DMD: variants seen among roughly 807,000 people sequenced by gnomAD.
DMD encodes dystrophin, also known as mutant dystrophin.
Under a neutral mutation model 330.1 loss-of-function variants are expected in DMD, and 63 were observed. The observed-to-expected ratio is 0.19, with a 90% confidence interval of 0.16 to 0.24. The LOEUF is 0.24. Ranked by LOEUF, DMD falls within the 10% of genes least tolerant of loss-of-function variation. The pLI is 1.00. For synonymous variants in DMD, 1,223 were observed against 959.8 expected, an observed-to-expected ratio of 1.27 and a Z score of -5.07; for missense variants, 3,344 against 2,684.1, an observed-to-expected ratio of 1.25 and a Z score of -5.43.
intron 76 of DMD, among the ~76,000 whole-genome samples, chrX:31,138,048 G>A (rs1650076275): frequency 8.9e-6 from 1 of 111,894 alleles, no homozygotes; most frequent in South Asian, 3.8e-4. Context: ...CTGGGGATTC[G>A]GATTTGGCCA....
At chrX:33,183,097 T>C (rs1311890301) in intron 1 of DMD, among the ~76,000 whole-genome samples, 4 of 112,124 alleles carry the variant, frequency 3.6e-5, no homozygotes, top group Non-Finnish European at 7.5e-5. Flanking sequence ...TATTATTTCC[T>C]AATTTCAAAA....
At chrX:33,089,220 C>T (rs1426763410) in intron 1 of DMD, among the ~76,000 whole-genome samples, 1 of 109,440 alleles carries the variant, frequency 9.1e-6, no homozygotes, top group Non-Finnish European at 1.9e-5. Context: ...CACGCACCAC[C>T]ACACCCAGCT....
intron 18 of DMD, among the ~76,000 whole-genome samples, chrX:32,515,166 T>C (rs1462599102): frequency 9.0e-6 from 1 of 111,135 alleles, no homozygotes; most frequent in African/African-American, 3.3e-5. Context: ...AGAATAAGTA[T>C]ATAGAAGGCT....
intron 19 of DMD, 133 bp downstream of exon 19, chrX:32,501,622 A>G: frequency 1.9e-6 from 1 of 519,202 alleles, no homozygotes; most frequent in South Asian, 3.0e-5. Flanking sequence ...AGAATAATAA[A>G]AAACATACAA....
chrX:31,257,708 G>A (rs769674196), intron 63 of DMD, among the ~76,000 whole-genome samples: 1 of 112,137 alleles, frequency 8.9e-6, no homozygotes, highest in African/African-American at 3.2e-5. Context: ...AATTTGGGAG[G>A]CCAAGGTGGG....
In DMD at chrX:33,033,554, C is replaced by CAAAAAAAAAAAA. The variant is rs775790760; in HGVS notation, c.32-13366_32-13355dup. On this transcript the variant is annotated intron_variant, in intron 1 of 78. Coordinates refer to ENST00000357033, the MANE Select transcript of DMD (RefSeq NM_004006.3). ...TGAAACCCCGTCTCTACTAAAAATA[C>CAAAAAAAAAAAA]AAAAAAAAAAAAAAACTAGCCGGGC... Among the ~76,000 whole-genome samples the CAAAAAAAAAAAA allele has an allele frequency of 5.5e-4, 41 of 74,495 alleles. 3 individuals carry two copies. Among genetic ancestry groups the CAAAAAAAAAAAA allele is most frequent in the African/African-American group, 2.2e-3 (40 of 17,797 alleles). The allele number at this position is 74,495 out of a possible 115,157, so 64.7% of individuals were successfully genotyped here. A position where few individuals can be genotyped will look rare whatever the true frequency, so the allele number is the denominator to read the frequency against.
intron 43 of DMD, among the ~76,000 whole-genome samples, chrX:32,270,807 G>A (rs1006020956): frequency 9.0e-6 from 1 of 111,304 alleles, no homozygotes; most frequent in Admixed American, 9.6e-5. Context: ...GTCAGATTCT[G>A]AATCAGAGAT....
At chrX:32,521,152 A>T (rs1603635404) in intron 17 of DMD, among the ~76,000 whole-genome samples, 1 of 111,917 alleles carries the variant, frequency 8.9e-6, no homozygotes, top group East Asian at 2.8e-4. Context: ...TTGCTCAAGC[A>T]TCTGAGTCCA....
At chrX:32,849,177 C>CT (rs1318361992) in intron 3 of DMD, among the ~76,000 whole-genome samples, 1 of 111,551 alleles carries the variant, frequency 9.0e-6, no homozygotes, top group South Asian at 3.8e-4. Context: ...AATTTGAGTT[C>CT]TTTCCCCCCC....
At chrX:33,097,607 C>CTTTTTTT (rs5902054) in intron 1 of DMD, among the ~76,000 whole-genome samples, 3 of 59,616 alleles carry the variant, frequency 5.0e-5, no homozygotes, top group African/African-American at 6.9e-5. Flanking sequence ...ACATGAGACT[C>CTTTTTTT]TTTTTTTTTT....
intron 60 of DMD, among the ~76,000 whole-genome samples, chrX:31,358,686 A>G (rs770921067): frequency 2.7e-5 from 3 of 112,712 alleles, no homozygotes; most frequent in African/African-American, 6.4e-5. Context: ...CTTTCTTTAA[A>G]ACAGGTTGTT....
At chrX:32,971,054 C>G (rs750020688) in intron 2 of DMD, among the ~76,000 whole-genome samples, 13 of 110,622 alleles carry the variant, frequency 1.2e-4, no homozygotes, top group African/African-American at 3.9e-4. Flanking sequence ...CTCTGCCTCC[C>G]GGGTTCAAGT....
chrX:31,396,696 A>G (rs1156470666), intron 60 of DMD, among the ~76,000 whole-genome samples: 1 of 111,021 alleles, frequency 9.0e-6, no homozygotes, highest in South Asian at 3.8e-4. Flanking sequence ...GGTCAATAAT[A>G]GAAATGCTGT....
chrX:31,826,333 A>G (rs1020240448), intron 49 of DMD, among the ~76,000 whole-genome samples: 29 of 112,428 alleles, frequency 2.6e-4, no homozygotes, highest in African/African-American at 9.0e-4. Context: ...AGAACTGTAT[A>G]ATTTCCAATC....
Position 31,574,647 on chromosome X carries a change from G to A in DMD, c.8217+53026C>T, listed in dbSNP as rs1202395539. On this transcript the variant is annotated intron_variant, in intron 55 of 78. Transcript: ENST00000357033. ...AAAGTGAAATGCACCAAACCAAGGG[G>A]AAATGACTTCTCTGGGAGTTTAACA... is the stretch of plus-strand genomic sequence containing the variant. Among the ~76,000 whole-genome samples the A allele has an allele frequency of 5.4e-5, 6 of 111,317 alleles. 1 individual carries two copies. The highest frequency in any genetic ancestry group is 4.8e-4 in the Admixed American group (5 of 10,475).
chrX:32,209,207 C>G (rs566812895), intron 44 of DMD, among the ~76,000 whole-genome samples: 1 of 111,389 alleles, frequency 9.0e-6, no homozygotes, highest in East Asian at 2.8e-4. Flanking sequence ...TTAAGCAGAT[C>G]TCCCAGAAAG....
rs902562884 is a variant in DMD, at chrX:32,236,572, G to A, written c.6291-19509C>T. 4.5e-5 allele frequency among the ~76,000 whole-genome samples: 5 copies of A among 111,462 alleles called. 1 individual carries two copies. In the East Asian group the frequency reaches 1.1e-3, roughly 25 times the overall value. On this transcript the variant is annotated intron_variant, in intron 43 of 78. Coordinates refer to ENST00000357033, the MANE Select transcript of DMD (RefSeq NM_004006.3). ...CATGGGGGCAGGTCCTTCCCATGCT[G>A]TTCTCGTGATAGTAAATTAGTCTCA... is the stretch of plus-strand genomic sequence containing the variant.
chrX:32,729,243 A>G (rs1253885315), intron 7 of DMD, among the ~76,000 whole-genome samples: 2 of 112,083 alleles, frequency 1.8e-5, no homozygotes, highest in African/African-American at 6.5e-5. Context: ...TATAATAAAG[A>G]TATTCCAAAC....
intron 55 of DMD, among the ~76,000 whole-genome samples, chrX:31,615,186 T>C (rs888817179): frequency 8.9e-6 from 1 of 111,868 alleles, no homozygotes; most frequent in African/African-American, 3.2e-5. Context: ...GACATTTTTC[T>C]GTGGTCAAAC....
Sources: gnomAD v4.1 joint callset for allele counts (sites outside exome capture counted in the v4.1 genomes callset) on GRCh38, gnomAD v4.1.1 for gene constraint, MANE v1.5 for transcripts, NCBI Gene and HGNC (gene_info 2026-07-23, HGNC 2026-07-21) for gene names.